SPATS2: variants seen among roughly 807,000 people sequenced by gnomAD.
SPATS2 encodes the protein spermatogenesis-associated serine-rich protein 2.
In SPATS2, 38 loss-of-function variants were observed where a neutral mutation model predicts 63.7. The observed-to-expected ratio is 0.60, with a 90% CI of 0.46 to 0.78. SPATS2 has a LOEUF of 0.78. SPATS2 is among the 30% of genes least tolerant of loss of function. The pLI is 0.00. For missense variants in SPATS2, 588 were observed against 666.2 expected (o/e 0.88, Z 1.29); for synonymous variants, 207 against 232.9 (o/e 0.89, Z 1.01).
At position 49,431,576 on chromosome 12, in the gene SPATS2, C is replaced by T. The variant is rs539972575; in HGVS notation, c.-243-29194C>T. On this transcript the variant is annotated intron_variant, in intron 2 of 13. Transcript: ENST00000552918. ...AGAACTTTTCTCAAAAACATTTGCA[C>T]AGTATTCTCATTATGTGGACAGATT... is the stretch of plus-strand genomic sequence containing the variant. Among the ~76,000 whole-genome samples the T allele has an allele frequency of 2.2e-4, 33 of 152,274 alleles. 1 individual carries two copies. Among genetic ancestry groups the T allele is most frequent in the African/African-American group, 7.0e-4 (29 of 41,576 alleles).
chr12:49,368,747 A>G (rs539482080), intron 1 of SPATS2, among the ~76,000 whole-genome samples: 2 of 152,248 alleles, frequency 1.3e-5, no homozygotes, highest in South Asian at 4.1e-4. Flanking sequence ...TTGTGATTGT[A>G]CTAGATAGAA....
At chr12:49,462,697 G>A in intron 3 of SPATS2, 1 of 547,716 alleles carries the variant, frequency 1.8e-6, no homozygotes, top group Non-Finnish European at 3.3e-6. Context: ...GAGCTGAAAA[G>A]GGGTTGGTGG....
chr12:49,525,931 C>A lies in SPATS2; in HGVS notation c.1327-13C>A. On this transcript the variant is annotated splice_polypyrimidine_tract_variant and intron_variant, in intron 13 of 13. Transcript: ENST00000552918. ...GCTAGAGCACCTTGAACATTGTATT[C>A]TTTCATCTTTAGGTATTGCCAGGGA... is the stretch of plus-strand genomic sequence containing the variant. 1.2e-6 allele frequency: 2 copies of A among 1,609,880 alleles called. No individual in the cohort carries two copies. The highest frequency in any genetic ancestry group is 1.7e-6 in the Non-Finnish European group (2 of 1,177,550).
At chr12:49,486,266 G>A (rs535529613) in intron 4 of SPATS2, 38 of 449,746 alleles carry the variant, frequency 8.4e-5, no homozygotes, top group Non-Finnish European at 1.6e-4. Flanking sequence ...GTGCAGTGGC[G>A]TGATCTCAGC....
chr12:49,398,391 T>G (rs1366136572), intron 2 of SPATS2, among the ~76,000 whole-genome samples: 1 of 152,034 alleles, frequency 6.6e-6, no homozygotes, highest in Non-Finnish European at 1.5e-5. Flanking sequence ...GGTTGGAACG[T>G]TACAGAATAT....
At chr12:49,435,932 CAT>C (rs1246657354) in intron 2 of SPATS2, among the ~76,000 whole-genome samples, 1 of 150,418 alleles carries the variant, frequency 6.6e-6, no homozygotes, top group African/African-American at 2.5e-5. Context: ...GGACACAGCA[CAT>C]GTTTCAGAGA....
chr12:49,439,076 G>T (rs918178819), intron 2 of SPATS2, among the ~76,000 whole-genome samples: 1 of 152,222 alleles, frequency 6.6e-6, no homozygotes, highest in Non-Finnish European at 1.5e-5. Context: ...AGGATGATTA[G>T]AGAAGGAATC....
intron 2 of SPATS2, among the ~76,000 whole-genome samples, chr12:49,403,995 C>CT (rs961638884): frequency 6.6e-6 from 1 of 152,206 alleles, no homozygotes; most frequent in African/African-American, 2.4e-5. Context: ...TGAGACTTGA[C>CT]TTTTGCTAGA....
At position 49,382,984 on chromosome 12, in the gene SPATS2, C is replaced by T. The variant is rs544710043; in HGVS notation, c.-244+11694C>T. On this transcript the variant is annotated intron_variant, in intron 2 of 13. Coordinates refer to ENST00000552918, the MANE Select transcript of SPATS2 (RefSeq NM_023071.4). ...CCTTTCAAACTGCTGGGATTACAGG[C>T]ATGAGCCACTGCGCCCGGCCTTTTA... Among the ~76,000 whole-genome samples, 12 of 151,610 alleles carry T rather than the reference C, an allele frequency of 7.9e-5. No individual in the cohort carries two copies. The South Asian group carries it at 2.5e-3, about 32-fold the overall frequency.
At chr12:49,378,487 A>G (rs543290448) in intron 2 of SPATS2, among the ~76,000 whole-genome samples, 2 of 148,568 alleles carry the variant, frequency 1.3e-5, no homozygotes, top group Non-Finnish European at 3.0e-5. Flanking sequence ...TTTAGTAGAG[A>G]CGGGTTTCAC....
chr12:49,464,811 G>A (rs192483090), intron 3 of SPATS2, among the ~76,000 whole-genome samples: 14 of 152,056 alleles, frequency 9.2e-5, no homozygotes, highest in Non-Finnish European at 1.5e-4. Context: ...GTGACAGAGC[G>A]GGACCATGTC....
chr12:49,483,657 A>G lies in SPATS2; in HGVS notation c.26-933A>G, dbSNP rs184237288. The stretch of plus-strand genomic sequence containing the variant: ...CAAAATAATTTGGAAAGTGTACTAG[A>G]GTATTACCGTGGTTTTTTTGTACCC... On this transcript the variant is annotated intron_variant, in intron 3 of 13. Transcript: ENST00000552918. 2.8e-3 allele frequency among the ~76,000 whole-genome samples: 425 copies of G among 152,312 alleles called. 1 individual carries two copies. The highest frequency in any genetic ancestry group is 2.5e-3 in the Non-Finnish European group (169 of 68,024).
At chr12:49,393,205 A>G (rs967074821) in intron 2 of SPATS2, among the ~76,000 whole-genome samples, 12 of 152,202 alleles carry the variant, frequency 7.9e-5, no homozygotes, top group Non-Finnish European at 1.2e-4. Flanking sequence ...AGACTCATCT[A>G]GCTTCAGTGA....
At chr12:49,470,867 TGCCTTAATTTAA>T (rs1473471297) in intron 3 of SPATS2, among the ~76,000 whole-genome samples, 5 of 152,258 alleles carry the variant, frequency 3.3e-5, no homozygotes, top group Non-Finnish European at 7.3e-5. Flanking sequence ...TATTTGTTTC[TGCCTTAATTTAA>T]GCTCAGACTT....
rs141071139 is a variant in SPATS2 at position 49,407,554 on chromosome 12, A to G, written c.-244+36264A>G. On this transcript the variant is annotated intron_variant, in intron 2 of 13. Coordinates refer to ENST00000552918, the MANE Select transcript of SPATS2 (RefSeq NM_023071.4). ...ATTTGTGCTTGCTGTTACCTCTCCT[A>G]GAATGCTTTTCCTATGCAGGTAGCA... 3.8e-3 allele frequency among the ~76,000 whole-genome samples: 576 copies of G among 152,166 alleles called. 4 individuals are homozygous for G. Among genetic ancestry groups the G allele is most frequent in the Admixed American group, 8.3e-3 (126 of 15,270 alleles).
At chr12:49,424,763 G>A (rs1004911584) in intron 2 of SPATS2, among the ~76,000 whole-genome samples, 8 of 152,048 alleles carry the variant, frequency 5.3e-5, no homozygotes, top group African/African-American at 1.9e-4. Context: ...TGCAACCTCC[G>A]CCCCCCACCA....
intron 2 of SPATS2, among the ~76,000 whole-genome samples, chr12:49,405,005 T>C (rs1944670199): frequency 6.6e-6 from 1 of 151,768 alleles, no homozygotes; most frequent in Non-Finnish European, 1.5e-5. Flanking sequence ...TTGTATTGTC[T>C]ATGGCTGCTT....
chr12:49,501,440 G>T (rs1266657812), intron 9 of SPATS2, among the ~76,000 whole-genome samples: 1 of 152,080 alleles, frequency 6.6e-6, no homozygotes, highest in East Asian at 1.9e-4. Context: ...CTCCCCTCAT[G>T]ACCTAATCAT....
At chr12:49,520,666 T>A (rs1434500635) in intron 11 of SPATS2, among the ~76,000 whole-genome samples, 3 of 152,320 alleles carry the variant, frequency 2.0e-5, no homozygotes, top group East Asian at 3.9e-4. Context: ...AAATTATCTT[T>A]GAGATGTTTG....
Sources: gnomAD v4.1 joint callset for allele counts (sites outside exome capture counted in the v4.1 genomes callset) on GRCh38, gnomAD v4.1.1 for gene constraint, MANE v1.5 for transcripts, NCBI Gene and HGNC (gene_info 2026-07-23, HGNC 2026-07-21) for gene names.